Variants in ZNHIT3 observed in about 807,000 individuals in gnomAD.
ZNHIT3 encodes zinc finger HIT domain-containing protein 3.
A neutral mutation model predicts 19.9 loss-of-function variants in ZNHIT3; 27 were observed. The observed-to-expected ratio is 1.36, with a 90% CI of 1.00 to 1.87. The LOEUF (loss-of-function observed/expected upper bound fraction) is 1.87. ZNHIT3 is among the 40% of genes most tolerant of loss of function. The pLI is 0.00. For synonymous variants in ZNHIT3, 81 were observed against 65.7 expected (o/e 1.23, Z -1.13); for missense variants, 215 against 185.6 (o/e 1.16, Z -0.92).
chr17:36,492,051 G>A (rs1256649739), intron 2 of ZNHIT3: 1 of 152,274 alleles, frequency 6.6e-6, no homozygotes. Flanking sequence ...ACTGGCAGCT[G>A]TTGTAACTGC....
intron 3 of ZNHIT3, chr17:36,493,201 G>A (rs914425065): frequency 1.5e-5 from 7 of 464,614 alleles, no homozygotes; most frequent in Non-Finnish European, 2.7e-5. Context: ...GCCCATAGCT[G>A]CTGGTCTCCC....
intron 2 of ZNHIT3, chr17:36,491,215 G>A (rs934877084): frequency 6.6e-6 from 1 of 152,250 alleles, no homozygotes; most frequent in Admixed American, 6.5e-5. Context: ...CCGCTCTGTG[G>A]TATTCTCTCC....
chr17:36,490,603 T>C (rs964892013), intron 2 of ZNHIT3: 1 of 152,212 alleles, frequency 6.6e-6, no homozygotes, highest in Non-Finnish European at 1.5e-5. Context: ...TAGAATTTTT[T>C]TTTGACATTT....
downstream of ZNHIT3, chr17:36,498,650 TAAC>T: frequency 7.1e-7 from 1 of 1,407,762 alleles, no homozygotes; most frequent in Non-Finnish European, 9.4e-7. Context: ...CAAATCATCT[TAAC>T]AAGGTGAACT....
intron 3 of ZNHIT3, among the ~76,000 whole-genome samples, chr17:36,493,716 ATTCT>A (rs1372854564): frequency 2.0e-5 from 3 of 152,374 alleles, no homozygotes; most frequent in African/African-American, 7.2e-5. Context: ...AAAATCACCA[ATTCT>A]TTCACTTAGC....
downstream of ZNHIT3, among the ~76,000 whole-genome samples, chr17:36,496,988 G>A (rs1488723291): frequency 6.6e-6 from 1 of 152,046 alleles, no homozygotes; most frequent in Non-Finnish European, 1.5e-5. Context: ...ACAAAGCCCT[G>A]AGTGACAATG....
intron 3 of ZNHIT3, among the ~76,000 whole-genome samples, chr17:36,493,483 C>A (rs898082911): frequency 1.6e-4 from 24 of 152,208 alleles, no homozygotes; most frequent in African/African-American, 5.8e-4. Flanking sequence ...TGAGAAATTT[C>A]CAGGTTGGGT....
At position 36,492,857 on chromosome 17, in the gene ZNHIT3, T is replaced by A. The variant is rs771614002; in HGVS notation, c.163T>A (p.Ser55Thr). 9 of 1,613,986 alleles carry A rather than the reference T, an allele frequency of 5.6e-6. No individual in the cohort carries two copies. In the African/African-American group the frequency reaches 1.2e-4, roughly 22 times the overall value. The change falls in exon 3 of 5, where the codon TCA becomes ACA. Residue 55 changes from serine to threonine, a missense_variant. By Grantham distance (58) the Ser-to-Thr change is moderately conservative. Coordinates refer to ENST00000617429, the MANE Select transcript of ZNHIT3 (RefSeq NM_004773.4). ...TCGTCCTGTTGAGAAAAAAATAAGA[T>A]CAGCTCTTCCTACCAAAACCGTAAA... is the stretch of plus-strand genomic sequence containing the variant. Reference protein sequence around the residue: ...ETRPVEKKIRSALPTKTVKPV... With the variant: ...ETRPVEKKIRTALPTKTVKPV...
At chr17:36,496,540 A>C, downstream of ZNHIT3, 1 of 776,010 alleles carries the variant, frequency 1.3e-6, no homozygotes, top group East Asian at 2.7e-5. Context: ...AGCAGGATTA[A>C]AATAGCATTA....
intron 2 of ZNHIT3, among the ~76,000 whole-genome samples, chr17:36,487,376 T>C (rs1232132360): frequency 2.6e-5 from 4 of 152,234 alleles, no homozygotes; most frequent in Non-Finnish European, 5.9e-5. Context: ...GTGTAAATAA[T>C]GTCTTGTTAG....
At chr17:36,498,461 G>A, downstream of ZNHIT3, 1 of 1,614,054 alleles carries the variant, frequency 6.2e-7, no homozygotes, top group Non-Finnish European at 8.5e-7. Context: ...CCAGGAGCCT[G>A]GTCTGCAGCG....
chr17:36,495,182 C>T, intron 4 of ZNHIT3, 41 bp from the exon 5 acceptor site: 1 of 1,529,606 alleles, frequency 6.5e-7, no homozygotes, highest in Middle Eastern at 1.8e-4. Flanking sequence ...CATGTGTTTC[C>T]ACTTGAACTC....
downstream of ZNHIT3, chr17:36,498,394 C>T (rs760366831): frequency 3.0e-5 from 49 of 1,613,928 alleles, no homozygotes; most frequent in Middle Eastern, 1.6e-4. Context: ...AAGCTGCCTA[C>T]ACCCATAGCC....
In ZNHIT3 at chr17:36,494,707, G is replaced by A. The variant is rs74772819; in HGVS notation, c.287-516G>A. ...AATTTTACAGACTGTGAAGTACCAT[G>A]CAGGTATTATTGTTGGTTCCCTGCT... is the stretch of plus-strand genomic sequence containing the variant. On this transcript the variant is annotated intron_variant, in intron 4 of 4. Coordinates refer to ENST00000617429, the MANE Select transcript of ZNHIT3 (RefSeq NM_004773.4). 5.2e-3 allele frequency among the ~76,000 whole-genome samples: 791 copies of A among 152,310 alleles called. 15 individuals are homozygous for A. The highest frequency in any genetic ancestry group is 0.026 in the East Asian group (134 of 5,182).
downstream of ZNHIT3, among the ~76,000 whole-genome samples, chr17:36,496,725 T>C (rs1485580061): frequency 3.3e-5 from 5 of 152,180 alleles, no homozygotes; most frequent in African/African-American, 4.8e-5. Context: ...CCTATAGTTA[T>C]TCCTCTGAAT....
downstream of ZNHIT3, chr17:36,498,439 G>C (rs368292066): frequency 1.2e-6 from 2 of 1,613,984 alleles, no homozygotes; most frequent in Admixed American, 3.3e-5. Flanking sequence ...GGCCAGAGGC[G>C]GATTATTGCC....
In ZNHIT3 at chr17:36,486,974, C is replaced by T. The variant is rs571069922; in HGVS notation, c.118+8C>T. ...GCTTCCGGAAGCACAAAGGTGAGCC[C>T]CGTCCCCGCCAGCCCTCGTACCACT... On this transcript the variant is annotated splice_region_variant and intron_variant, in intron 2 of 4. Coordinates refer to ENST00000617429, the MANE Select transcript of ZNHIT3 (RefSeq NM_004773.4). The T allele has an allele frequency of 1.2e-6, 2 of 1,610,926 alleles. No individual in the cohort carries two copies. The highest frequency in any genetic ancestry group is 1.3e-5 in the African/African-American group (1 of 74,680).
downstream of ZNHIT3, chr17:36,499,226 G>A (rs968607713): frequency 4.3e-6 from 5 of 1,157,170 alleles, no homozygotes; most frequent in East Asian, 5.2e-5. Flanking sequence ...CAGTGACCTC[G>A]CTGCAGCAGC....
Position 36,486,935 on chromosome 17 carries a change from C to T in ZNHIT3, c.87C>T (p.Tyr29=), listed in dbSNP as rs1210908250. The change falls in exon 2 of 5, where the codon TAC becomes TAT. Residue 29 remains tyrosine, a splice_region_variant and synonymous_variant. Transcript: ENST00000617429. ...CGGCCTGTGGCCTCTGTTGTTACAG[C>T]TGCTCGGTAGTCTGCTTCCGGAAGC... ...KYRCPACRVP[Y]CSVVCFRKHK... is the part of the protein sequence containing the mutation. 4 of 1,611,172 alleles carry T rather than the reference C, an allele frequency of 2.5e-6. No homozygotes were observed. Among genetic ancestry groups the T allele is most frequent in the Non-Finnish European group, 3.4e-6 (4 of 1,179,426 alleles).
Sources: allele counts gnomAD v4.1 joint callset (sites outside exome capture counted in the v4.1 genomes callset), GRCh38; gene constraint gnomAD v4.1.1; transcripts MANE v1.5; gene names NCBI Gene and HGNC (gene_info 2026-07-23, HGNC 2026-07-21).